ANKH: variants seen among roughly 807,000 people sequenced by gnomAD.
ANKH encodes mineralization regulator ANKH.
Under a neutral mutation model 49.0 loss-of-function variants are expected in ANKH, and 15 were observed. That is an observed-to-expected ratio of 0.31 (90% CI 0.20 to 0.47). The LOEUF is 0.47. ANKH is among the 20% of genes least tolerant of loss of function. The pLI, the probability that ANKH is intolerant of heterozygous loss-of-function variation, is 1.00. For missense variants in ANKH, 429 were observed against 652.0 expected, an observed-to-expected ratio of 0.66 and a Z score of 3.72; for synonymous variants, 273 against 260.0, an observed-to-expected ratio of 1.05 and a Z score of -0.48.
intron 1 of ANKH, among the ~76,000 whole-genome samples, chr5:14,809,335 T>TAAAAAAAAAAAA (rs36119317): frequency 9.9e-4 from 80 of 80,748 alleles, no homozygotes; most frequent in Middle Eastern, 0.01. Flanking sequence ...TAGAGTATAA[T>TAAAAAAAAAAAA]AAAAAAAAAA....
intron 1 of ANKH, among the ~76,000 whole-genome samples, chr5:14,844,161 T>C (rs1460135495): frequency 1.3e-5 from 2 of 152,204 alleles, no homozygotes; most frequent in African/African-American, 4.8e-5. Context: ...CCAAGTGTGG[T>C]GTAACATAAA....
In ANKH at chr5:14,707,884, C is replaced by A. The variant is rs766838395; in HGVS notation, c.*3313G>T. Reference sequence around the variant, plus strand: ...AAGGAAGAGTAACTTTGGCACAAGACAAACCCGATGCAGGCAGTCATGGGG... The same window carrying A: ...AAGGAAGAGTAACTTTGGCACAAGAAAAACCCGATGCAGGCAGTCATGGGG... On this transcript the variant is annotated 3_prime_UTR_variant, in exon 12 of 12. Transcript: ENST00000284268. The A allele has an allele frequency of 6.6e-6, 1 of 152,156 alleles. No individual in the cohort carries two copies. The highest frequency in any genetic ancestry group is 1.5e-5 in the Non-Finnish European group (1 of 68,026). The allele number at this position is 152,156 out of a possible 1,614,324, so 9.4% of individuals were successfully genotyped here.
At chr5:14,818,787 C>T (rs987327781) in intron 1 of ANKH, among the ~76,000 whole-genome samples, 2 of 151,668 alleles carry the variant, frequency 1.3e-5, no homozygotes, top group Non-Finnish European at 2.9e-5. Context: ...GATTCTTTTA[C>T]AAAGAAATAA....
chr5:14,850,308 A>G (rs1384042121), intron 1 of ANKH, among the ~76,000 whole-genome samples: 1 of 152,202 alleles, frequency 6.6e-6, no homozygotes, highest in African/African-American at 2.4e-5. Context: ...CCTGAGCTAA[A>G]TGTGTGTACC....
chr5:14,799,276 G>C (rs1167237882), intron 1 of ANKH, among the ~76,000 whole-genome samples: 1 of 152,200 alleles, frequency 6.6e-6, no homozygotes, highest in African/African-American at 2.4e-5. Flanking sequence ...GAAAGAATCT[G>C]TCTCCAAAAT....
In ANKH at chr5:14,741,815, CTCTG is replaced by C. The variant is rs747877421; in HGVS notation, c.1011+8_1011+11del. 6.2e-6 allele frequency: 10 copies of C among 1,610,132 alleles called. No homozygotes were observed. In the African/African-American group the frequency reaches 1.3e-4, roughly 21 times the overall value. The stretch of plus-strand genomic sequence containing the variant: ...AACAGAGAGAAGAGGCAGAGAGAGC[CTCTG>C]TCCTTACCGTGAGTGACAGAGCCAT... On this transcript the variant is annotated splice_region_variant and intron_variant, in intron 8 of 11. Transcript: ENST00000284268.
At chr5:14,818,008 G>A (rs769389424) in intron 1 of ANKH, among the ~76,000 whole-genome samples, 2 of 140,194 alleles carry the variant, frequency 1.4e-5, no homozygotes, top group Non-Finnish European at 3.0e-5. Context: ...AGATTGCAGT[G>A]AGCTGAGATC....
chr5:14,794,006 T>A (rs1034362106), intron 1 of ANKH, among the ~76,000 whole-genome samples: 1 of 152,278 alleles, frequency 6.6e-6, no homozygotes, highest in Non-Finnish European at 1.5e-5. Context: ...CCAACACTTA[T>A]CTGATGGCGA....
At chr5:14,793,032 AT>A (rs1740237567) in intron 1 of ANKH, among the ~76,000 whole-genome samples, 8 of 74,454 alleles carry the variant, frequency 1.1e-4, no homozygotes, top group East Asian at 7.7e-4. Context: ...ATATATATAT[AT>A]AAAAATATAT....
rs1312694715 is a variant in ANKH, at chr5:14,870,936, A to C, written c.96+416T>G. 4 of 358,692 alleles carry C rather than the reference A, an allele frequency of 1.1e-5. No individual in the cohort carries two copies. In the East Asian group the frequency reaches 2.9e-4, roughly 26 times the overall value. The allele number at this position is 358,692 out of a possible 1,614,324, so 22.2% of individuals were successfully genotyped here. A position where few individuals can be genotyped will look rare whatever the true frequency, so the allele number is the denominator to read the frequency against. On this transcript the variant is annotated intron_variant, in intron 1 of 11. Transcript: ENST00000284268. Reference sequence around the variant, plus strand: ...TAAAAATGGAAGTACCTGGGAAATCAACTTGGACGCATTATAAAACAGAAT... The same window carrying C: ...TAAAAATGGAAGTACCTGGGAAATCCACTTGGACGCATTATAAAACAGAAT...
At chr5:14,811,564 CA>C (rs1740885840) in intron 1 of ANKH, among the ~76,000 whole-genome samples, 2 of 152,206 alleles carry the variant, frequency 1.3e-5, no homozygotes, top group Admixed American at 6.5e-5. Context: ...CAAGTACAAA[CA>C]ACCTTGTGTG....
chr5:14,734,004 C>T (rs549716467), intron 8 of ANKH, among the ~76,000 whole-genome samples: 24 of 152,284 alleles, frequency 1.6e-4, no homozygotes, highest in African/African-American at 5.5e-4. Context: ...TCATGGAAGT[C>T]GATCAATGAA....
rs1737145005 is a variant in ANKH at position 14,710,789 on chromosome 5, G to A, written c.*408C>T. 4.4e-6 allele frequency: 1 copy of A among 229,844 alleles called. No individual in the cohort carries two copies. Among genetic ancestry groups the A allele is most frequent in the Non-Finnish European group, 8.8e-6 (1 of 113,874 alleles). 14.2% of individuals were successfully genotyped at this position (229,844 alleles called of 1,614,324 possible). The stretch of plus-strand genomic sequence containing the variant: ...CGAGTTTTAACCTGTTGATTCTTAA[G>A]AGCGATGAAGGGGGACAGGAGAGTC... On this transcript the variant is annotated 3_prime_UTR_variant, in exon 12 of 12. Transcript: ENST00000284268.
At chr5:14,843,567 A>T (rs1741874417) in intron 1 of ANKH, among the ~76,000 whole-genome samples, 1 of 151,576 alleles carries the variant, frequency 6.6e-6, no homozygotes, top group Admixed American at 6.6e-5. Flanking sequence ...AAAAAAAAAA[A>T]AAGAGCCTAT....
chr5:14,756,063 C>T, intron 3 of ANKH, 119 bp from the exon 4 acceptor site: 1 of 835,598 alleles, frequency 1.2e-6, no homozygotes, highest in South Asian at 1.4e-5. Flanking sequence ...GCCTTAGCAG[C>T]CCAGGTCTGA....
At chr5:14,863,223 A>T (rs558316461) in intron 1 of ANKH, among the ~76,000 whole-genome samples, 17 of 152,142 alleles carry the variant, frequency 1.1e-4, no homozygotes, top group East Asian at 5.8e-4. Context: ...CTATAAAAAA[A>T]TTTTTTTTAA....
At chr5:14,843,217 C>T (rs1161007916) in intron 1 of ANKH, among the ~76,000 whole-genome samples, 1 of 150,780 alleles carries the variant, frequency 6.6e-6, no homozygotes, top group Admixed American at 6.6e-5. Context: ...GTTCTGTTGC[C>T]CAGGCCAGAG....
chr5:14,818,728 C>A (rs1741116371), intron 1 of ANKH, among the ~76,000 whole-genome samples: 1 of 151,464 alleles, frequency 6.6e-6, no homozygotes, highest in African/African-American at 2.4e-5. Context: ...TCCACACCAC[C>A]CCTAGTCTCA....
chr5:14,768,707 A>G (rs1416872742), intron 2 of ANKH: 2 of 543,704 alleles, frequency 3.7e-6, no homozygotes, highest in Non-Finnish European at 6.6e-6. Context: ...GCCTTACCAA[A>G]TGTTATTCCT....
Sources: allele counts gnomAD v4.1 joint callset (sites outside exome capture counted in the v4.1 genomes callset), GRCh38; gene constraint gnomAD v4.1.1; transcripts MANE v1.5; gene names NCBI Gene and HGNC (gene_info 2026-07-23, HGNC 2026-07-21).